Variants in RUVBL1 observed in about 807,000 individuals in gnomAD.
The protein encoded by RUVBL1 is RuvB like AAA ATPase 1.
In RUVBL1, 4 loss-of-function variants were observed where a neutral mutation model predicts 52.4. That is an observed-to-expected ratio of 0.08 (90% CI 0.04 to 0.17). The LOEUF is 0.17. Ranked by LOEUF, RUVBL1 falls within the 10% of genes least tolerant of loss-of-function variation. The pLI, the probability that RUVBL1 is intolerant of heterozygous loss-of-function variation, is 1.00. For missense variants in RUVBL1, 298 were observed against 572.8 expected (o/e 0.52, Z 4.90); for synonymous variants, 217 against 214.4 (o/e 1.01, Z -0.10).
Position 128,123,743 on chromosome 3 carries a change from T to C in RUVBL1, c.-19A>G, listed in dbSNP as rs199811634. 6.9e-6 allele frequency: 11 copies of C among 1,587,740 alleles called. No homozygotes were observed. In the Admixed American group the frequency reaches 1.9e-4, roughly 27 times the overall value. ...TCTTCATTTTGCAGACGCCGGGAGCTAAAACCAGCGTGGAAAACCAGCAGC... is the reference window on the plus strand; with the variant it reads ...TCTTCATTTTGCAGACGCCGGGAGCCAAAACCAGCGTGGAAAACCAGCAGC... On this transcript the variant is annotated 5_prime_UTR_variant, in exon 1 of 11. Transcript: ENST00000322623.
chr3:128,153,539 G>A, exon 1 of RUVBL1: 2 of 1,521,620 alleles, frequency 1.3e-6, no homozygotes, highest in Non-Finnish European at 1.8e-6. Context: ...GTGAACGTGG[G>A]CGTGCTGGGC....
chr3:128,102,374 C>A (rs563552185), intron 4 of RUVBL1, among the ~76,000 whole-genome samples: 3 of 152,220 alleles, frequency 2.0e-5, no homozygotes, highest in Non-Finnish European at 2.9e-5. Context: ...AGCAGATTTG[C>A]GGAACTGTTG....
chr3:128,100,559 C>G (rs776888815), intron 6 of RUVBL1, 36 bp downstream of exon 6: 1 of 1,562,094 alleles, frequency 6.4e-7, no homozygotes. Flanking sequence ...TACAAAAGGG[C>G]TAATGTGCCA....
At chr3:128,095,238 G>A (rs1942941465) in intron 8 of RUVBL1, among the ~76,000 whole-genome samples, 1 of 152,238 alleles carries the variant, frequency 6.6e-6, no homozygotes, top group South Asian at 2.1e-4. Context: ...TGAGACGAGA[G>A]ATGCCAGGCT....
At chr3:128,112,094 G>A (rs904818995) in intron 3 of RUVBL1, among the ~76,000 whole-genome samples, 33 of 152,302 alleles carry the variant, frequency 2.2e-4, no homozygotes, top group African/African-American at 7.5e-4. Context: ...AGATCTGAGG[G>A]AAACTAGGAC....
upstream of RUVBL1, among the ~76,000 whole-genome samples, chr3:128,124,212 T>A (rs921158383): frequency 7.2e-5 from 11 of 152,174 alleles, no homozygotes; most frequent in Admixed American, 5.9e-4. Flanking sequence ...CAATGTTTTC[T>A]GACTCCCATA....
intron 2 of RUVBL1, among the ~76,000 whole-genome samples, chr3:128,117,149 T>C (rs560939812): frequency 6.6e-6 from 1 of 152,312 alleles, no homozygotes; most frequent in South Asian, 2.1e-4. Context: ...GAAAAAAATA[T>C]TCAATAGATT....
intron 2 of RUVBL1, among the ~76,000 whole-genome samples, chr3:128,115,073 G>A (rs957391484): frequency 1.3e-5 from 2 of 152,022 alleles, no homozygotes; most frequent in African/African-American, 4.8e-5. Context: ...GAAAGTATAT[G>A]ATATGGCTAC....
At chr3:128,088,546 C>A (rs1942726822) in intron 8 of RUVBL1, among the ~76,000 whole-genome samples, 1 of 150,114 alleles carries the variant, frequency 6.7e-6, no homozygotes, top group Non-Finnish European at 1.5e-5. Context: ...TATAATTTTA[C>A]AAATTATACT....
chr3:128,096,964 G>A (rs1269729657), intron 8 of RUVBL1, among the ~76,000 whole-genome samples: 5 of 152,162 alleles, frequency 3.3e-5, no homozygotes, highest in African/African-American at 1.2e-4. Flanking sequence ...ACCTCTCAGA[G>A]CGCAGATGAA....
intron 8 of RUVBL1, among the ~76,000 whole-genome samples, chr3:128,096,290 T>C (rs1351680983): frequency 6.6e-6 from 1 of 152,164 alleles, no homozygotes. Flanking sequence ...GACACTGGGC[T>C]TGAGAGATGG....
intron 1 of RUVBL1, among the ~76,000 whole-genome samples, chr3:128,130,615 TTTTATTTATTTATGTATTTATTTA>T (rs1329420833): frequency 0.017 from 1,549 of 91,280 alleles, 26 homozygotes; most frequent in African/African-American, 0.066. Flanking sequence ...AAAAAAAAAA[TTTTATTTATTTATGTATTTATTTA>T]TTTATTTATT....
intron 4 of RUVBL1, among the ~76,000 whole-genome samples, chr3:128,102,291 C>T (rs1559817686): frequency 6.6e-6 from 1 of 152,210 alleles, no homozygotes; most frequent in Non-Finnish European, 1.5e-5. Flanking sequence ...AGAATCTTTC[C>T]CAAGCCTTTT....
downstream of RUVBL1, among the ~76,000 whole-genome samples, chr3:128,078,391 G>T (rs1942387791): frequency 6.6e-6 from 1 of 152,224 alleles, no homozygotes. Flanking sequence ...GCACAAGGTG[G>T]TTTCCCTGCC....
chr3:128,123,662 C>T lies in RUVBL1; in HGVS notation c.63G>A (p.Val21=). 1.2e-6 allele frequency: 2 copies of T among 1,612,426 alleles called. No individual in the cohort carries two copies. Among genetic ancestry groups the T allele is most frequent in the Non-Finnish European group, 1.7e-6 (2 of 1,179,462 alleles). The change falls in exon 1 of 11, where the codon GTG becomes GTA. Residue 21 remains valine (V), a synonymous_variant. Coordinates refer to ENST00000322623, the MANE Select transcript of RUVBL1 (RefSeq NM_003707.3). ...KTQRIASHSH[V]KGLGLDESGL... ...CGCTCTCGTCCAGCCCCAGCCCTTT[C>T]ACGTGGCTGTGGGAGGCGATGCGCT... is the stretch of plus-strand genomic sequence containing the variant.
intron 2 of RUVBL1, among the ~76,000 whole-genome samples, chr3:128,117,664 G>A (rs1943558459): frequency 6.6e-6 from 1 of 151,312 alleles, no homozygotes; most frequent in African/African-American, 2.4e-5. Context: ...CCAGGCTAGA[G>A]TGCAATGGCA....
rs1033864837 is a variant in RUVBL1, at chr3:128,146,114, C to T, written c.-40+7089G>A. 4.6e-5 allele frequency among the ~76,000 whole-genome samples: 7 copies of T among 152,012 alleles called. 1 individual carries two copies. Among genetic ancestry groups the T allele is most frequent in the East Asian group, 3.9e-4 (2 of 5,182 alleles). On this transcript the variant is annotated intron_variant, in intron 1 of 9. Coordinates refer to the RUVBL1 transcript ENST00000464873. ...TGTCCAGGGCAGGGCTAATGCAGGACGTGACAGTTGAACTTGGAGGAGGTG... is the reference window on the plus strand; with the variant it reads ...TGTCCAGGGCAGGGCTAATGCAGGATGTGACAGTTGAACTTGGAGGAGGTG...
At chr3:128,150,897 TA>T (rs1944189532) in intron 1 of RUVBL1, among the ~76,000 whole-genome samples, 2 of 87,562 alleles carry the variant, frequency 2.3e-5, no homozygotes, top group Non-Finnish European at 4.0e-5. Flanking sequence ...ATATTCTATA[TA>T]TATAATATAA....
chr3:128,069,482 C>A (rs757292195), intron 9 of RUVBL1: 2 of 1,610,762 alleles, frequency 1.2e-6, no homozygotes, highest in African/African-American at 2.7e-5. Context: ...CCAGGTACAT[C>A]CCCACAGCCG....
Sources: allele counts gnomAD v4.1 joint callset (sites outside exome capture counted in the v4.1 genomes callset), GRCh38; gene constraint gnomAD v4.1.1; transcripts MANE v1.5; gene names NCBI Gene and HGNC (gene_info 2026-07-23, HGNC 2026-07-21).